The following NELL1 variants were observed in gnomAD, a reference collection of about 807,000 sequenced individuals.
NELL1 encodes the protein neural EGFL like 1, also known as protein kinase C-binding protein NELL1.
In NELL1, 76 loss-of-function variants were observed where a neutral mutation model predicts 107.4. The observed-to-expected ratio is 0.71, with a 90% CI of 0.59 to 0.86. The LOEUF (loss-of-function observed/expected upper bound fraction) is 0.86, where lower values mean the gene tolerates loss of function less well. NELL1 is among the 40% of genes least tolerant of loss of function. The pLI is 0.00. For missense variants in NELL1, 1,024 were observed against 1,005.5 expected (o/e 1.02, Z -0.25); for synonymous variants, 353 against 341.2 (o/e 1.03, Z -0.38).
At chr11:21,155,214 A>G (rs982930988) in intron 13 of NELL1, among the ~76,000 whole-genome samples, 1 of 152,154 alleles carries the variant, frequency 6.6e-6, no homozygotes, top group Non-Finnish European at 1.5e-5. Context: ...GAGGTTTCTA[A>G]GCAAAGGAGA....
At chr11:20,836,474 T>A (rs530135048) in intron 3 of NELL1, among the ~76,000 whole-genome samples, 1 of 152,244 alleles carries the variant, frequency 6.6e-6, no homozygotes, top group South Asian at 2.1e-4. Context: ...TTTGAAAATG[T>A]ATTTTCACAA....
intron 3 of NELL1, among the ~76,000 whole-genome samples, chr11:20,839,460 G>A (rs1349875626): frequency 6.6e-6 from 1 of 152,172 alleles, no homozygotes. Flanking sequence ...TCTAAGAAAA[G>A]GCAGAATGCG....
intron 14 of NELL1, among the ~76,000 whole-genome samples, chr11:21,290,950 A>G (rs1035120785): frequency 5.3e-5 from 8 of 152,222 alleles, no homozygotes; most frequent in African/African-American, 1.9e-4. Context: ...AAAGCATCAC[A>G]GCTCCTCTCC....
chr11:21,394,466 G>A (rs1427960555), intron 15 of NELL1, among the ~76,000 whole-genome samples: 2 of 151,382 alleles, frequency 1.3e-5, no homozygotes, highest in African/African-American at 2.4e-5. Flanking sequence ...GTGTGTGTGT[G>A]TTCCATTCTT....
At chr11:21,158,086 T>C (rs1035171256) in intron 13 of NELL1, among the ~76,000 whole-genome samples, 1 of 152,138 alleles carries the variant, frequency 6.6e-6, no homozygotes, top group African/African-American at 2.4e-5. Flanking sequence ...CTAGACTCGC[T>C]AAGTCTTCTG....
chr11:21,284,758 C>G (rs1037545354), intron 14 of NELL1: 7 of 343,728 alleles, frequency 2.0e-5, no homozygotes, highest in Non-Finnish European at 3.5e-5. Flanking sequence ...CTGGCAAACC[C>G]TACCGCCATG....
At chr11:21,212,049 C>T (rs1465903098) in intron 13 of NELL1, among the ~76,000 whole-genome samples, 1 of 152,114 alleles carries the variant, frequency 6.6e-6, no homozygotes, top group African/African-American at 2.4e-5. Context: ...TGGTCTCAAA[C>T]TCCTGACCTC....
intron 3 of NELL1, among the ~76,000 whole-genome samples, chr11:20,838,606 C>T (rs151041914): frequency 0.016 from 2,453 of 151,938 alleles, 35 homozygotes; most frequent in South Asian, 0.025. Context: ...AGACTGGGTA[C>T]AGGATGGGAG....
At chr11:21,086,266 CTT>C in intron 12 of NELL1, among the ~76,000 whole-genome samples, 1 of 151,512 alleles carries the variant, frequency 6.6e-6, no homozygotes, top group South Asian at 2.1e-4. Flanking sequence ...TGTTCTGTAT[CTT>C]TTTTTTTCAG....
At position 21,264,588 on chromosome 11, in the gene NELL1, C is replaced by A. The variant is rs533757664; in HGVS notation, c.1549+35134C>A. ...TGAAAGCCCCCACTAATTTCTAGAT[C>A]TTTTAGTTATTATAATAACCTTACT... is the stretch of plus-strand genomic sequence containing the variant. On this transcript the variant is annotated intron_variant, in intron 14 of 19. Coordinates refer to ENST00000357134, the MANE Select transcript of NELL1 (RefSeq NM_006157.5). 1.4e-3 allele frequency among the ~76,000 whole-genome samples: 212 copies of A among 152,074 alleles called. 1 individual carries two copies. Among genetic ancestry groups the A allele is most frequent in the African/African-American group, 4.8e-3 (201 of 41,528 alleles).
At chr11:21,191,950 T>A (rs1857059115) in intron 13 of NELL1, among the ~76,000 whole-genome samples, 1 of 151,944 alleles carries the variant, frequency 6.6e-6, no homozygotes, top group Non-Finnish European at 1.5e-5. Context: ...AGATAATATG[T>A]GAAAGATATA....
At chr11:21,223,830 G>A (rs919942118) in intron 13 of NELL1, among the ~76,000 whole-genome samples, 1 of 152,136 alleles carries the variant, frequency 6.6e-6, no homozygotes, top group African/African-American at 2.4e-5. Context: ...ACTTTGTTAA[G>A]CTTTTCTCGT....
chr11:21,319,982 G>T (rs1026367418), intron 14 of NELL1, among the ~76,000 whole-genome samples: 2 of 151,954 alleles, frequency 1.3e-5, no homozygotes, highest in Non-Finnish European at 2.9e-5. Context: ...GAGTATGAAG[G>T]CTGATGGGTG....
intron 2 of NELL1, among the ~76,000 whole-genome samples, chr11:20,708,395 G>T (rs774895796): frequency 3.9e-5 from 6 of 152,198 alleles, no homozygotes; most frequent in Non-Finnish European, 7.3e-5. Flanking sequence ...AGTTGGAAAT[G>T]CAGAAATCAC....
intron 14 of NELL1, among the ~76,000 whole-genome samples, chr11:21,240,857 C>G (rs1183115206): frequency 1.3e-5 from 2 of 151,810 alleles, no homozygotes; most frequent in East Asian, 3.9e-4. Flanking sequence ...GTTTGCAGCC[C>G]AGTAGACAGT....
chr11:20,973,344 G>A (rs1851539456), intron 12 of NELL1, among the ~76,000 whole-genome samples: 1 of 152,058 alleles, frequency 6.6e-6, no homozygotes, highest in Admixed American at 6.6e-5. Context: ...CTGACCTCAG[G>A]TGATCCACCT....
intron 2 of NELL1, among the ~76,000 whole-genome samples, chr11:20,693,811 T>C (rs1262914442): frequency 4.6e-5 from 7 of 152,106 alleles, no homozygotes; most frequent in Non-Finnish European, 8.8e-5. Flanking sequence ...TCTCTGTATT[T>C]CCTGAATCTG....
chr11:21,223,212 A>T (rs930673463), intron 13 of NELL1, among the ~76,000 whole-genome samples: 5 of 151,922 alleles, frequency 3.3e-5, no homozygotes, highest in Non-Finnish European at 7.4e-5. Context: ...CTTCAGATGT[A>T]GTAACATTTG....
At chr11:21,089,016 T>C (rs1454871922) in intron 12 of NELL1, among the ~76,000 whole-genome samples, 1 of 152,134 alleles carries the variant, frequency 6.6e-6, no homozygotes, top group Non-Finnish European at 1.5e-5. Flanking sequence ...ATAAGAGTAT[T>C]AGACATAAAA....
Sources: allele counts gnomAD v4.1 joint callset (sites outside exome capture counted in the v4.1 genomes callset), GRCh38; gene constraint gnomAD v4.1.1; transcripts MANE v1.5; gene names NCBI Gene and HGNC (gene_info 2026-07-23, HGNC 2026-07-21).